Variants in SRRM2 observed in about 807,000 individuals in gnomAD.
SRRM2 encodes the protein serine/arginine repetitive matrix protein 2.
Under a neutral mutation model 213.8 loss-of-function variants are expected in SRRM2, and 30 were observed. The ratio of observed to expected loss-of-function variants is 0.14; its 90% CI spans 0.10 to 0.19. The LOEUF (loss-of-function observed/expected upper bound fraction) is 0.19, where lower values mean the gene tolerates loss of function less well. Ranked by LOEUF, SRRM2 falls within the 10% of genes least tolerant of loss-of-function variation. SRRM2 has a pLI of 1.00. For synonymous variants in SRRM2, 2,025 were observed against 1,377.7 expected (o/e 1.47, Z -10.40); for missense variants, 4,904 against 3,647.0 (o/e 1.34, Z -8.88).
intron 11 of SRRM2, 119 bp downstream of exon 11, chr16:2,768,380 T>A: frequency 8.5e-7 from 1 of 1,173,964 alleles, no homozygotes; most frequent in South Asian, 1.6e-5. Context: ...ATGGGGACCT[T>A]GACCCTCAAG....
chr16:2,761,703 A>G lies in SRRM2; in HGVS notation c.1175A>G (p.Asn392Ser). 6.2e-7 allele frequency: 1 copy of G among 1,604,510 alleles called. No homozygotes were observed. The highest frequency in any genetic ancestry group is 8.5e-7 in the Non-Finnish European group (1 of 1,175,478). ...ATTPLSQEPV[N>S]PPSEASPTRD... ...ACCCCCTTAAGCCAGGAGCCAGTGAACCCCCCATCTGAGGCCTCTCCAACT... is the reference window on the plus strand; with the variant it reads ...ACCCCCTTAAGCCAGGAGCCAGTGAGCCCCCCATCTGAGGCCTCTCCAACT... The change falls in exon 11 of 15, where the codon AAC (asparagine) becomes AGC (serine). Residue 392 changes from asparagine to serine, a missense_variant. Coordinates refer to ENST00000301740, the MANE Select transcript of SRRM2 (RefSeq NM_016333.4).
Position 2,767,570 on chromosome 16 carries a change from G to C in SRRM2, c.7042G>C (p.Ala2348Pro), listed in dbSNP as rs202142708. The C allele has an allele frequency of 1.7e-4, 278 of 1,614,188 alleles. 1 individual carries two copies. The South Asian group carries it at 2.8e-3, about 16-fold the overall frequency. The change falls in exon 11 of 15, where the codon GCT becomes CCT. Residue 2348 changes from alanine to proline, a missense_variant. Coordinates refer to ENST00000301740, the MANE Select transcript of SRRM2 (RefSeq NM_016333.4). Reference protein sequence around the residue: ...LVGPRSAHATAPVNIAGSRTA... With the variant: ...LVGPRSAHATPPVNIAGSRTA... Reference sequence around the variant, plus strand: ...GGGTCCTCGGTCTGCACATGCCACAGCTCCTGTGAATATTGCCGGCTCCAG... The same window carrying C: ...GGGTCCTCGGTCTGCACATGCCACACCTCCTGTGAATATTGCCGGCTCCAG...
intron 1 of SRRM2, among the ~76,000 whole-genome samples, chr16:2,753,912 CT>C (rs2068041742): frequency 2.0e-5 from 3 of 151,958 alleles, no homozygotes; most frequent in Admixed American, 1.3e-4. Flanking sequence ...TTTTTCTCCC[CT>C]TTTGGTACCG....
At position 2,757,563 on chromosome 16, in the gene SRRM2, C is replaced by A. The variant is rs757851800; in HGVS notation, c.334C>A (p.Pro112Thr). The A allele has an allele frequency of 1.2e-6, 2 of 1,613,782 alleles. No homozygotes were observed. ...DVNPGGKEET[P>T]GQRPAVTETH... is the part of the protein sequence containing the mutation. ...GAACCCTGGGGGCAAGGAGGAGACC[C>A]CAGGGCAGAGGCCAGCGTGAGTGTT... The change falls in exon 3 of 15, where the codon CCA (proline) becomes ACA (threonine). Residue 112 changes from proline (P) to threonine (T), a missense_variant. Physicochemically the swap from Pro to Thr is conservative, Grantham distance 38. Coordinates refer to ENST00000301740, the MANE Select transcript of SRRM2 (RefSeq NM_016333.4).
chr16:2,753,064 C>G (rs969537716), intron 1 of SRRM2, among the ~76,000 whole-genome samples: 1 of 144,628 alleles, frequency 6.9e-6, no homozygotes, highest in Non-Finnish European at 1.5e-5. Flanking sequence ...CCCATGACAA[C>G]GGCGTTCGCA....
chr16:2,758,339 C>T, intron 4 of SRRM2, 131 bp from the exon 5 acceptor site: 1 of 848,540 alleles, frequency 1.2e-6, no homozygotes, highest in East Asian at 2.5e-5. Context: ...CCACTGCACC[C>T]CACCTGAGGC....
At position 2,767,549 on chromosome 16, in the gene SRRM2, C is replaced by A. The variant is rs528037135; in HGVS notation, c.7021C>A (p.Pro2341Thr). 1 of 1,614,196 alleles carries A rather than the reference C, an allele frequency of 6.2e-7. No homozygotes were observed. Residue 2341 changes from proline (P) to threonine (T), a missense_variant, in exon 11 of 15, where the codon CCT becomes ACT. By Grantham distance (38) the Pro-to-Thr change is conservative. Transcript: ENST00000301740. ...QAPASANLVG[P>T]RSAHATAPVN... ...TCCAGCCTCTGCAAACCTGGTGGGT[C>A]CTCGGTCTGCACATGCCACAGCTCC...
Position 2,769,287 on chromosome 16 carries a change from G to A in SRRM2, c.8021+3G>A. 6.4e-7 allele frequency: 1 copy of A among 1,556,126 alleles called. No homozygotes were observed. Among genetic ancestry groups the A allele is most frequent in the Non-Finnish European group, 8.7e-7 (1 of 1,150,444 alleles). On this transcript the variant is annotated splice_donor_region_variant and intron_variant, in intron 12 of 14. Coordinates refer to ENST00000301740, the MANE Select transcript of SRRM2 (RefSeq NM_016333.4). ...AAGCCACCCCCTGGCGAGCGGAGGT[G>A]AGTGCTGTCTTGCCTGAGTTGAAAG...
At chr16:2,769,362 C>T (rs1005084559) in intron 12 of SRRM2, 78 bp downstream of exon 12, 6 of 1,474,430 alleles carry the variant, frequency 4.1e-6, no homozygotes, top group Non-Finnish European at 5.5e-6. Context: ...GGTGTGAGCT[C>T]CCCGCTGGGT....
At position 2,758,489 on chromosome 16, in the gene SRRM2, A is replaced by T; in HGVS notation, c.535A>T (p.Ser179Cys). ...KPYSLVRESS[S>C]SRSPTPKQKK... ...CCCTAGCCTTGTTCGGGAGTCTAGC[A>T]GTTCTCGCTCACCAACCCCAAAGCA... is the stretch of plus-strand genomic sequence containing the variant. Residue 179 changes from serine to cysteine, a missense_variant, in exon 5 of 15, where the codon AGT becomes TGT. Ser to Cys is a moderately radical substitution (Grantham distance 112). Transcript: ENST00000301740. The T allele has an allele frequency of 6.2e-7, 1 of 1,614,158 alleles. No homozygotes were observed. The highest frequency in any genetic ancestry group is 1.1e-5 in the South Asian group (1 of 91,078).
chr16:2,757,428 A>G, intron 2 of SRRM2, 44 bp from the exon 3 acceptor site: 1 of 1,573,386 alleles, frequency 6.4e-7, no homozygotes, highest in Non-Finnish European at 8.7e-7. Flanking sequence ...GGGACTGGGG[A>G]AAGTGTCCTG....
chr16:2,770,593 CTG>C lies in SRRM2; in HGVS notation c.8136-7_8136-6del. On this transcript the variant is annotated splice_polypyrimidine_tract_variant and intron_variant, in intron 13 of 14. Transcript: ENST00000301740. ...GCCACCCTGTGGCCTGATGTCTGTC[CTG>C]TGTTGCAGCAGCAGCAGTGAGCGGG... The C allele has an allele frequency of 6.4e-7, 1 of 1,553,244 alleles. No homozygotes were observed.
In SRRM2 at chr16:2,763,053, C is replaced by G. The variant is rs148934780; in HGVS notation, c.2525C>G (p.Pro842Arg). The G allele has an allele frequency of 5.4e-5, 87 of 1,614,006 alleles. 2 individuals carry two copies. In the South Asian group the frequency reaches 8.9e-4, roughly 16 times the overall value. ...AGTCATTCCAGTTCATCTCCTCATCCTAAAGTGAAATCTGGAACACCACCG... is the reference window on the plus strand; with the variant it reads ...AGTCATTCCAGTTCATCTCCTCATCGTAAAGTGAAATCTGGAACACCACCG... ...RQSHSSSSPH[P>R]KVKSGTPPRQ... Residue 842 changes from proline to arginine, a missense_variant, in exon 11 of 15, where the codon CCT becomes CGT. Coordinates refer to ENST00000301740, the MANE Select transcript of SRRM2 (RefSeq NM_016333.4).
chr16:2,766,758 G>C lies in SRRM2; in HGVS notation c.6230G>C (p.Arg2077Thr). 1 of 1,614,202 alleles carries C rather than the reference G, an allele frequency of 6.2e-7. No homozygotes were observed. Among genetic ancestry groups the C allele is most frequent in the South Asian group, 1.1e-5 (1 of 91,084 alleles). ...SLTRSPPAIR[R>T]RSASGSSSDR... ...ACAAGATCTCCTCCAGCCATCCGCA[G>C]GCGTTCTGCATCTGGAAGTAGTTCT... Residue 2077 changes from arginine (R) to threonine (T), a missense_variant, in exon 11 of 15, where the codon AGG (arginine) becomes ACG (threonine). By Grantham distance (71) the Arg-to-Thr change is moderately conservative (BLOSUM62 -1). Transcript: ENST00000301740. The surrounding 1 kb of genome is among the most constrained non-coding windows in gnomAD (Gnocchi z 7.0).
At position 2,762,214 on chromosome 16, in the gene SRRM2, C is replaced by T; in HGVS notation, c.1686C>T (p.Ser562=). The T allele has an allele frequency of 6.2e-7, 1 of 1,613,972 alleles. No homozygotes were observed. Among genetic ancestry groups the T allele is most frequent in the Middle Eastern group, 1.6e-4 (1 of 6,062 alleles). ...GRSRSARRGR[S]HSRSPATRGR... is the part of the protein sequence containing the mutation. ...CTAGGTCAGCAAGGCGAGGGAGGTCCCACTCTAGATCCCCAGCCACTAGGG... is the reference window on the plus strand; with the variant it reads ...CTAGGTCAGCAAGGCGAGGGAGGTCTCACTCTAGATCCCCAGCCACTAGGG... Residue 562 remains serine, a synonymous_variant, in exon 11 of 15, where the codon TCC becomes TCT. Transcript: ENST00000301740.
Position 2,767,500 on chromosome 16 carries a change from C to A in SRRM2, c.6972C>A (p.Pro2324=). 1 of 1,614,210 alleles carries A rather than the reference C, an allele frequency of 6.2e-7. No individual in the cohort carries two copies. The part of the protein sequence containing the change: ...SGTPPTAANY[P]SSSRTPQAPA... ...CACCACCAACTGCTGCAAACTATCC[C>A]TCCAGCTCCAGAACACCACAGGCTC... The change falls in exon 11 of 15, where the codon CCC becomes CCA. Residue 2324 remains proline (P), a synonymous_variant. Transcript: ENST00000301740.
chr16:2,765,398 C>T lies in SRRM2; in HGVS notation c.4870C>T (p.Pro1624Ser). Residue 1624 changes from proline (P) to serine (S), a missense_variant, in exon 11 of 15, where the codon CCT becomes TCT. Coordinates refer to ENST00000301740, the MANE Select transcript of SRRM2 (RefSeq NM_016333.4). ...GAGTGGTTCTGATTCCTCTCCTGAA[C>T]CTAAAGCTCCAGCCCCTCGGGCCCT... Reference protein sequence around the residue: ...AQSGSDSSPEPKAPAPRALPR... With the variant: ...AQSGSDSSPESKAPAPRALPR... The T allele has an allele frequency of 6.2e-7, 1 of 1,614,174 alleles. No individual in the cohort carries two copies. Among genetic ancestry groups the T allele is most frequent in the East Asian group, 2.2e-5 (1 of 44,878 alleles).
intron 14 of SRRM2, 22 bp downstream of exon 14, chr16:2,770,739 T>TG (rs2068715864): frequency 1.3e-6 from 2 of 1,582,618 alleles, no homozygotes; most frequent in South Asian, 2.3e-5. Flanking sequence ...GGAAGGCTGA[T>TG]GCCCCCTTCC....
At chr16:2,759,457 G>A (rs2068262913) in intron 8 of SRRM2, 55 bp downstream of exon 8, 1 of 1,597,456 alleles carries the variant, frequency 6.3e-7, no homozygotes, top group Non-Finnish European at 8.5e-7. Context: ...CACCTTAGTG[G>A]GAGGGAGTTG....
Sources: gnomAD v4.1 joint callset for allele counts (sites outside exome capture counted in the v4.1 genomes callset) on GRCh38, gnomAD v4.1.1 for gene constraint, Gnocchi (gnomAD v3.1) non-coding constraint, MANE v1.5 for transcripts, NCBI Gene and HGNC (gene_info 2026-07-23, HGNC 2026-07-21) for gene names.